LRRK1: variants seen among roughly 807,000 people sequenced by gnomAD.
LRRK1 encodes leucine rich repeat kinase 1, also known as leucine-rich repeat serine/threonine-protein kinase 1.
Under a neutral mutation model 209.1 loss-of-function variants are expected in LRRK1, and 113 were observed. The observed-to-expected ratio is 0.54, with a 90% CI of 0.46 to 0.63. The LOEUF is 0.63. Ranked by LOEUF, LRRK1 falls within the 30% of genes least tolerant of loss-of-function variation. LRRK1 has a pLI of 0.00. For missense variants in LRRK1, 2,284 were observed against 2,632.2 expected, an observed-to-expected ratio of 0.87 and a Z score of 2.89; for synonymous variants, 1,144 against 1,099.7, an observed-to-expected ratio of 1.04 and a Z score of -0.80.
In LRRK1 at chr15:100,988,801, G is replaced by A. The variant is rs766026615; in HGVS notation, c.601G>A (p.Ala201Thr). ...CATCGTGCGCTTGCCCCTGTATGCGGCCATCAAGTCAGGTGGGTTTCCCCA... is the reference window on the plus strand; with the variant it reads ...CATCGTGCGCTTGCCCCTGTATGCGACCATCAAGTCAGGTGGGTTTCCCCA... The part of the protein sequence containing the change: ...PVIVRLPLYA[A>T]IKSGNEDIAI... The change falls in exon 5 of 34, where the codon GCC (alanine) becomes ACC (threonine). Residue 201 changes from alanine (A) to threonine (T), a missense_variant. This residue lies in a region of LRRK1 where 134 missense variants were observed against 191.7 expected (regional missense o/e 0.70). Coordinates refer to ENST00000388948, the MANE Select transcript of LRRK1 (RefSeq NM_024652.6). 1 of 1,601,834 alleles carries A rather than the reference G, an allele frequency of 6.2e-7. No individual in the cohort carries two copies. The highest frequency in any genetic ancestry group is 8.5e-7 in the Non-Finnish European group (1 of 1,171,262).
chr15:100,991,320 G>A (rs150278072), intron 6 of LRRK1, among the ~76,000 whole-genome samples: 15 of 151,974 alleles, frequency 9.9e-5, no homozygotes, highest in East Asian at 3.9e-4. Flanking sequence ...GACTATTATC[G>A]GACATTTGTT....
chr15:101,008,829 A>G lies in LRRK1; in HGVS notation c.763-8A>G. ...CCACATGTGCTTTTCCTTTCTTTCC[A>G]CCACCAGGCTCTCCGTGTGAAATGG... is the stretch of plus-strand genomic sequence containing the variant. On this transcript the variant is annotated splice_polypyrimidine_tract_variant and splice_region_variant and intron_variant, in intron 6 of 33. Coordinates refer to ENST00000388948, the MANE Select transcript of LRRK1 (RefSeq NM_024652.6). The G allele has an allele frequency of 6.2e-7, 1 of 1,607,196 alleles. No homozygotes were observed. Among genetic ancestry groups the G allele is most frequent in the Non-Finnish European group, 8.5e-7 (1 of 1,173,930 alleles).
chr15:101,024,473 G>A lies in LRRK1; in HGVS notation c.2068-330G>A, dbSNP rs986572866. On this transcript the variant is annotated intron_variant, in intron 15 of 33. Coordinates refer to ENST00000388948, the MANE Select transcript of LRRK1 (RefSeq NM_024652.6). This position sits in a 1 kb window ranked among gnomAD's most constrained non-coding sequence, Gnocchi z 4.6. ...GGGAGGCTGAACCCCAGTGCAAGCC[G>A]TGACATCAGAGCACAGCTTCCTCCC... Among the ~76,000 whole-genome samples, 5 of 152,118 alleles carry A rather than the reference G, an allele frequency of 3.3e-5. No individual in the cohort carries two copies. The highest frequency in any genetic ancestry group is 7.2e-5 in the African/African-American group (3 of 41,426).
rs2034314269 is a variant in LRRK1, at chr15:101,032,220, T to G, written c.2963+2988T>G. Among the ~76,000 whole-genome samples the G allele has an allele frequency of 3.3e-5, 5 of 152,186 alleles. No homozygotes were observed. The South Asian group carries it at 1.0e-3, about 31-fold the overall frequency. The stretch of plus-strand genomic sequence containing the variant: ...GTGTCTATTCAAGTTTTATGCCTAT[T>G]TTATGATTAGAATGTTTTCCTTTTT... On this transcript the variant is annotated intron_variant, in intron 20 of 33. Transcript: ENST00000388948.
At chr15:100,970,286 A>G (rs1471252179) in intron 2 of LRRK1, among the ~76,000 whole-genome samples, 2 of 152,202 alleles carry the variant, frequency 1.3e-5, no homozygotes, top group Non-Finnish European at 2.9e-5. Flanking sequence ...GCTGTAATGA[A>G]CATGTGTGTG....
chr15:101,053,448 C>G (rs761254896), intron 26 of LRRK1, 28 bp downstream of exon 26: 1 of 1,540,092 alleles, frequency 6.5e-7, no homozygotes, highest in South Asian at 1.2e-5. Context: ...CCCACCCGGC[C>G]CCGGAGACCG....
In LRRK1 at chr15:101,008,997, A is replaced by T; in HGVS notation, c.923A>T (p.Asn308Ile). ...PWGLINLRKL[N>I]LSDNHLGELP... is the part of the protein sequence containing the mutation. Reference sequence around the variant, plus strand: ...GGCCTCATCAATCTCCGGAAGCTGAACCTCTCCGACAACCACCTGGGGGAG... The same window carrying T: ...GGCCTCATCAATCTCCGGAAGCTGATCCTCTCCGACAACCACCTGGGGGAG... Residue 308 changes from asparagine (N) to isoleucine (I), a missense_variant, in exon 7 of 34, where the codon AAC becomes ATC. Transcript: ENST00000388948. 1 of 1,614,010 alleles carries T rather than the reference A, an allele frequency of 6.2e-7. No homozygotes were observed. The highest frequency in any genetic ancestry group is 8.5e-7 in the Non-Finnish European group (1 of 1,179,996).
intron 6 of LRRK1, among the ~76,000 whole-genome samples, chr15:100,993,951 C>G (rs2032282597): frequency 6.6e-6 from 1 of 152,166 alleles, no homozygotes; most frequent in Non-Finnish European, 1.5e-5. Flanking sequence ...TAACAATGCC[C>G]TTCACAGGGC....
chr15:101,008,404 G>A (rs191765457), intron 6 of LRRK1, among the ~76,000 whole-genome samples: 29 of 152,316 alleles, frequency 1.9e-4, no homozygotes, highest in African/African-American at 7.0e-4. Context: ...TCACAGGAAA[G>A]GCCGCCTTGA....
rs1403745877 is a variant in LRRK1 at position 101,061,659 on chromosome 15, C to T, written c.4797+371C>T. 2.0e-5 allele frequency among the ~76,000 whole-genome samples: 3 copies of T among 152,354 alleles called. No individual in the cohort carries two copies. In the East Asian group the frequency reaches 5.8e-4, roughly 29 times the overall value. ...CACATCAGGGAAATCAGGGAAGTCACTAGAAGGCCCAAGGAGGGGTCTTCT... is the reference window on the plus strand; with the variant it reads ...CACATCAGGGAAATCAGGGAAGTCATTAGAAGGCCCAAGGAGGGGTCTTCT... On this transcript the variant is annotated intron_variant, in intron 30 of 33. Coordinates refer to ENST00000388948, the MANE Select transcript of LRRK1 (RefSeq NM_024652.6).
chr15:100,971,843 G>A (rs548537437), intron 2 of LRRK1, among the ~76,000 whole-genome samples: 1 of 152,168 alleles, frequency 6.6e-6, no homozygotes, highest in African/African-American at 2.4e-5. Context: ...TTGCCTCCAT[G>A]GGATCAAATT....
At chr15:101,056,659 A>G (rs1035994259) in intron 27 of LRRK1, among the ~76,000 whole-genome samples, 197 bp from the exon 28 acceptor site, 1 of 152,158 alleles carries the variant, frequency 6.6e-6, no homozygotes, top group African/African-American at 2.4e-5. Context: ...GGGTGAGAAA[A>G]TGGATAGATA....
intron 20 of LRRK1, among the ~76,000 whole-genome samples, chr15:101,035,056 A>G (rs974209524): frequency 6.6e-6 from 1 of 150,584 alleles, no homozygotes; most frequent in Non-Finnish European, 1.5e-5. Context: ...CATTTAATTG[A>G]TCCTTTGTAT....
At chr15:100,995,871 C>G (rs2032382072) in intron 6 of LRRK1, among the ~76,000 whole-genome samples, 1 of 152,230 alleles carries the variant, frequency 6.6e-6, no homozygotes, top group Non-Finnish European at 1.5e-5. Context: ...GATTTCAAAT[C>G]TGGCAGCTAA....
intron 1 of LRRK1, among the ~76,000 whole-genome samples, chr15:100,923,464 G>A (rs914786122): frequency 2.6e-5 from 4 of 152,220 alleles, no homozygotes; most frequent in African/African-American, 9.6e-5. Context: ...ACACAGACAA[G>A]AGGTGCTAAT....
intron 2 of LRRK1, among the ~76,000 whole-genome samples, chr15:100,966,650 A>G (rs575271120): frequency 6.6e-5 from 10 of 152,330 alleles, no homozygotes; most frequent in African/African-American, 2.4e-4. Context: ...CCTTTTCCTA[A>G]TGTCCTTCCA....
At chr15:100,950,863 G>T (rs1405960810) in intron 2 of LRRK1, among the ~76,000 whole-genome samples, 7 of 152,232 alleles carry the variant, frequency 4.6e-5, no homozygotes, top group Admixed American at 3.9e-4. Context: ...CAGCACTTTG[G>T]GAGGCCAAGG....
At chr15:101,003,729 G>C (rs540281269) in intron 6 of LRRK1, among the ~76,000 whole-genome samples, 88 of 152,288 alleles carry the variant, frequency 5.8e-4, no homozygotes, top group African/African-American at 2.0e-3. Context: ...TAGGAATTAT[G>C]GGAGCTACCC....
intron 2 of LRRK1, 108 bp from the exon 3 acceptor site, chr15:100,973,696 G>A (rs965242923): frequency 1.1e-5 from 12 of 1,112,380 alleles, no homozygotes; most frequent in Non-Finnish European, 1.4e-5. Context: ...TGAAGCCCCC[G>A]CGATCGTGCA....
Sources: gnomAD v4.1 joint callset for allele counts (sites outside exome capture counted in the v4.1 genomes callset) on GRCh38, gnomAD v4.1.1 for gene constraint, gnomAD v4.1.1 regional missense constraint, Gnocchi (gnomAD v3.1) non-coding constraint, MANE v1.5 for transcripts, NCBI Gene and HGNC (gene_info 2026-07-23, HGNC 2026-07-21) for gene names.